The following HIVEP3 variants were observed in gnomAD, a reference collection of about 807,000 sequenced individuals.
The protein encoded by HIVEP3 is HIVEP zinc finger 3, also known as transcription factor HIVEP3.
A neutral mutation model predicts 152.8 loss-of-function variants in HIVEP3; 49 were observed. That is an observed-to-expected ratio of 0.32 (90% CI 0.26 to 0.41). HIVEP3 has a LOEUF of 0.41. Ranked by LOEUF, HIVEP3 falls within the 10% of genes least tolerant of loss-of-function variation. The pLI is 1.00. For synonymous variants in HIVEP3, 1,269 were observed against 1,289.0 expected (o/e 0.98, Z 0.33); for missense variants, 2,790 against 3,103.3 (o/e 0.90, Z 2.40).
intron 1 of HIVEP3, among the ~76,000 whole-genome samples, chr1:41,752,722 C>T (rs1284650800): frequency 1.3e-5 from 2 of 152,352 alleles, no homozygotes; most frequent in African/African-American, 4.8e-5. Flanking sequence ...CTGAGGCACT[C>T]TCAGTTTGAG....
chr1:41,922,540 A>C (rs1012725110), upstream of HIVEP3, among the ~76,000 whole-genome samples: 3 of 152,228 alleles, frequency 2.0e-5, no homozygotes, highest in African/African-American at 7.2e-5. Flanking sequence ...AGAAAGGAGA[A>C]GATATGTTAT....
chr1:41,944,964 C>T (rs1199080188), intron 1 of HIVEP3, among the ~76,000 whole-genome samples: 2 of 152,104 alleles, frequency 1.3e-5, no homozygotes, highest in African/African-American at 4.8e-5. Flanking sequence ...ACTGCCTGGC[C>T]ACAATATCCT....
chr1:41,702,682 A>G (rs978259883), intron 1 of HIVEP3, among the ~76,000 whole-genome samples: 2 of 152,228 alleles, frequency 1.3e-5, no homozygotes, highest in African/African-American at 4.8e-5. Context: ...GTGAGCCCCT[A>G]GGGGCATAGT....
chr1:41,913,713 A>G (rs1185257882), intron 1 of HIVEP3, among the ~76,000 whole-genome samples: 1 of 152,206 alleles, frequency 6.6e-6, no homozygotes, highest in Non-Finnish European at 1.5e-5. Context: ...ATCTTAAGAT[A>G]GTTTCAACAT....
intron 5 of HIVEP3, among the ~76,000 whole-genome samples, chr1:41,567,014 C>A (rs1431660346): frequency 2.0e-5 from 3 of 152,174 alleles, no homozygotes; most frequent in Non-Finnish European, 4.4e-5. Context: ...GAGGGCCAGG[C>A]TCATCTATCC....
rs117726352 is a variant in HIVEP3, at chr1:41,558,564, G to A, written c.5207+16980C>T. On this transcript the variant is annotated intron_variant, in intron 5 of 8. Coordinates refer to ENST00000372583, the MANE Select transcript of HIVEP3 (RefSeq NM_024503.5). ...GGTAGCTCCTCTTCCTTTTGTGTCA[G>A]CCTGCACCCCTCCTGGCCTGCTCTT... 1.2e-4 allele frequency among the ~76,000 whole-genome samples: 18 copies of A among 152,290 alleles called. No homozygotes were observed. In the East Asian group the frequency reaches 3.1e-3, roughly 26 times the overall value.
chr1:41,730,462 C>T (rs901679190), intron 1 of HIVEP3, among the ~76,000 whole-genome samples: 1 of 152,238 alleles, frequency 6.6e-6, no homozygotes, highest in African/African-American at 2.4e-5. Context: ...GCTCCAGATG[C>T]CCAGTGCCTG....
chr1:41,937,007 T>C (rs1645023247), intron 1 of HIVEP3, among the ~76,000 whole-genome samples: 1 of 152,096 alleles, frequency 6.6e-6, no homozygotes, highest in Admixed American at 6.5e-5. Flanking sequence ...TAAATAAAAA[T>C]AAAACAGTGC....
At chr1:41,950,724 G>T (rs904069573) in intron 1 of HIVEP3, among the ~76,000 whole-genome samples, 1 of 152,158 alleles carries the variant, frequency 6.6e-6, no homozygotes, top group South Asian at 2.1e-4. Context: ...TGTGAAGAGG[G>T]CAAAGAGATA....
intron 1 of HIVEP3, among the ~76,000 whole-genome samples, chr1:41,785,847 T>G (rs989028214): frequency 1.3e-5 from 2 of 152,064 alleles, no homozygotes; most frequent in South Asian, 2.1e-4. Context: ...AAATACAAAA[T>G]TAGCTGGGCA....
chr1:41,895,836 A>C lies in HIVEP3; in HGVS notation c.-801+22577T>G, dbSNP rs143762854. Among the ~76,000 whole-genome samples the C allele has an allele frequency of 3.6e-3, 552 of 152,336 alleles. 5 individuals are homozygous for C. The highest frequency in any genetic ancestry group is 0.013 in the African/African-American group (534 of 41,576). On this transcript the variant is annotated intron_variant, in intron 1 of 8. Coordinates refer to ENST00000372583, the MANE Select transcript of HIVEP3 (RefSeq NM_024503.5). Reference sequence around the variant, plus strand: ...GGAGAATGAGAACACGGCCTATAGAAAACTGGGAGTGCTAAGGGCAAAGAA... The same window carrying C: ...GGAGAATGAGAACACGGCCTATAGACAACTGGGAGTGCTAAGGGCAAAGAA...
chr1:41,842,038 A>C (rs1217334204), intron 1 of HIVEP3, among the ~76,000 whole-genome samples: 1 of 152,098 alleles, frequency 6.6e-6, no homozygotes, highest in Non-Finnish European at 1.5e-5. Context: ...GGTTGCAGTG[A>C]GTCGAGATCA....
At chr1:41,912,615 T>C (rs902968907) in intron 1 of HIVEP3, among the ~76,000 whole-genome samples, 1 of 152,234 alleles carries the variant, frequency 6.6e-6, no homozygotes, top group Admixed American at 6.5e-5. Flanking sequence ...ATTTATTTGA[T>C]ACAATCATAA....
chr1:41,603,159 C>T (rs559122242), intron 3 of HIVEP3, among the ~76,000 whole-genome samples: 10 of 152,010 alleles, frequency 6.6e-5, no homozygotes, highest in Admixed American at 2.0e-4. Flanking sequence ...CTCCACCTCC[C>T]GGGTTCAAGC....
At chr1:41,566,526 C>G (rs780194861) in intron 5 of HIVEP3, among the ~76,000 whole-genome samples, 7 of 152,206 alleles carry the variant, frequency 4.6e-5, no homozygotes, top group Admixed American at 1.3e-4. Context: ...ACACTCCCTC[C>G]AGGCACTGCT....
chr1:41,701,978 A>G (rs373824338), intron 1 of HIVEP3, among the ~76,000 whole-genome samples: 31 of 152,302 alleles, frequency 2.0e-4, no homozygotes, highest in African/African-American at 7.2e-4. Flanking sequence ...AGTGAGGTAC[A>G]CTTAAGCTTA....
intron 1 of HIVEP3, among the ~76,000 whole-genome samples, chr1:42,005,058 T>C (rs892001183): frequency 2.6e-5 from 4 of 152,134 alleles, no homozygotes; most frequent in Middle Eastern, 3.2e-3. Context: ...CTTAGGGACT[T>C]TGCCCTGGCC....
At chr1:41,730,305 C>A (rs1289788291) in intron 1 of HIVEP3, among the ~76,000 whole-genome samples, 4 of 152,258 alleles carry the variant, frequency 2.6e-5, no homozygotes, top group African/African-American at 9.6e-5. Context: ...GGTCACTTCT[C>A]CCCTCAAGCC....
intron 2 of HIVEP3, among the ~76,000 whole-genome samples, chr1:41,643,015 A>T (rs1176889393): frequency 6.6e-6 from 1 of 152,046 alleles, no homozygotes; most frequent in Non-Finnish European, 1.5e-5. Flanking sequence ...TCAGTGAATC[A>T]GCTCCCTAAG....
Sources: gnomAD v4.1 joint callset for allele counts (sites outside exome capture counted in the v4.1 genomes callset) on GRCh38, gnomAD v4.1.1 for gene constraint, MANE v1.5 for transcripts, NCBI Gene and HGNC (gene_info 2026-07-23, HGNC 2026-07-21) for gene names.